The following MICAL3 variants were observed in gnomAD, a reference collection of about 807,000 sequenced individuals.
MICAL3 encodes the protein microtubule associated monooxygenase, calponin and LIM domain containing 3, also known as [F-actin]-monooxygenase MICAL3.
In MICAL3, 62 loss-of-function variants were observed where a neutral mutation model predicts 207.4. That is an observed-to-expected ratio of 0.30 (90% CI 0.24 to 0.37). The LOEUF (loss-of-function observed/expected upper bound fraction) is 0.37. Ranked by LOEUF, MICAL3 falls within the 10% of genes least tolerant of loss-of-function variation. MICAL3 has a pLI of 1.00. For missense variants in MICAL3, 2,368 were observed against 2,635.6 expected, an observed-to-expected ratio of 0.90 and a Z score of 2.22; for synonymous variants, 1,077 against 1,069.3, an observed-to-expected ratio of 1.01 and a Z score of -0.14.
intron 1 of MICAL3, among the ~76,000 whole-genome samples, chr22:17,992,118 T>C (rs1036820390): frequency 6.6e-6 from 1 of 152,200 alleles, no homozygotes; most frequent in Non-Finnish European, 1.5e-5. Context: ...GGGGCACCTA[T>C]ATCTCTCGAT....
chr22:17,968,017 G>A (rs1291326932), intron 1 of MICAL3, among the ~76,000 whole-genome samples: 1 of 151,496 alleles, frequency 6.6e-6, no homozygotes, highest in Admixed American at 6.6e-5. Context: ...ACTTCAGCCT[G>A]GATGACAGAG....
intron 17 of MICAL3, among the ~76,000 whole-genome samples, chr22:17,868,601 T>C (rs1162962455): frequency 2.0e-5 from 3 of 152,204 alleles, no homozygotes; most frequent in Non-Finnish European, 2.9e-5. Flanking sequence ...CCAGCCTTGC[T>C]ATGTTTTTAA....
chr22:17,799,287 CAGG>C (rs1320936574), intron 29 of MICAL3, among the ~76,000 whole-genome samples: 10 of 152,146 alleles, frequency 6.6e-5, no homozygotes, highest in African/African-American at 2.2e-4. Context: ...GAGGCTGAGG[CAGG>C]AGAATTGCTT....
chr22:17,937,909 A>AT (rs1933615978), intron 1 of MICAL3, among the ~76,000 whole-genome samples: 1 of 152,198 alleles, frequency 6.6e-6, no homozygotes, highest in Non-Finnish European at 1.5e-5. Flanking sequence ...GAGTGCACAT[A>AT]TTCTCTTCAC....
intron 1 of MICAL3, among the ~76,000 whole-genome samples, chr22:17,920,672 A>G (rs988226025): frequency 6.6e-6 from 1 of 152,140 alleles, no homozygotes; most frequent in African/African-American, 2.4e-5. Flanking sequence ...CCAGAGATCC[A>G]AAGCTACTAA....
rs1922763745 is a variant in MICAL3, at chr22:18,000,086, G to C, written c.-75+24195C>G. On this transcript the variant is annotated intron_variant, in intron 1 of 31. Coordinates refer to ENST00000441493, the MANE Select transcript of MICAL3 (RefSeq NM_015241.3). ...TTTCCCGCAGGCGGCAGCGACTGTA[G>C]GAAGATGTCTTTCTCAGCTTAAAAC... Among the ~76,000 whole-genome samples, 3 of 152,304 alleles carry C rather than the reference G, an allele frequency of 2.0e-5. 1 individual carries two copies. The South Asian group carries it at 6.2e-4, about 32-fold the overall frequency.
chr22:18,012,911 G>A (rs1174004192), intron 1 of MICAL3, among the ~76,000 whole-genome samples: 1 of 152,196 alleles, frequency 6.6e-6, no homozygotes, highest in Non-Finnish European at 1.5e-5. Context: ...CCAGCATTCA[G>A]ACCCCCTTGC....
At chr22:17,844,600 G>A (rs1287819110) in intron 19 of MICAL3, among the ~76,000 whole-genome samples, 5 of 152,186 alleles carry the variant, frequency 3.3e-5, no homozygotes, top group South Asian at 2.1e-4. Flanking sequence ...ATCCAGTGGC[G>A]TATTCACATA....
At chr22:17,928,375 C>G (rs1234222066) in intron 1 of MICAL3, among the ~76,000 whole-genome samples, 1 of 151,612 alleles carries the variant, frequency 6.6e-6, no homozygotes, top group Non-Finnish European at 1.5e-5. Flanking sequence ...GGAGGCGGAG[C>G]TTGCAGTGAG....
intron 15 of MICAL3, 61 bp from the exon 16 acceptor site, chr22:17,886,112 C>T: frequency 6.3e-7 from 1 of 1,581,528 alleles, no homozygotes; most frequent in Non-Finnish European, 8.6e-7. Flanking sequence ...CCATGCCCCT[C>T]CCTCACAGAA....
chr22:17,906,920 T>C (rs1196276797), intron 1 of MICAL3, 34 bp from the exon 2 acceptor site: 1 of 1,121,502 alleles, frequency 8.9e-7, no homozygotes, highest in Non-Finnish European at 1.3e-6. Context: ...GGTTAGCATT[T>C]CTCTGTCTAC....
rs142688877 is a variant in MICAL3, at chr22:17,976,151, T to C, written c.-75+48130A>G. Among the ~76,000 whole-genome samples, 880 of 152,330 alleles carry C rather than the reference T, an allele frequency of 5.8e-3. 12 individuals are homozygous for C. Among genetic ancestry groups the C allele is most frequent in the Middle Eastern group, 0.02 (6 of 294 alleles). On this transcript the variant is annotated intron_variant, in intron 1 of 31. Coordinates refer to ENST00000441493, the MANE Select transcript of MICAL3 (RefSeq NM_015241.3). ...TGTTTTATTTCTTTCTAATCTTATC[T>C]GAACAATATAGGCAGAGATGGACTG...
chr22:17,897,034 A>G, intron 7 of MICAL3, 53 bp from the exon 8 acceptor site: 1 of 1,553,422 alleles, frequency 6.4e-7, no homozygotes, highest in Non-Finnish European at 8.7e-7. Context: ...GCACTCAGCC[A>G]GAACCATGTT....
intron 1 of MICAL3, among the ~76,000 whole-genome samples, chr22:18,011,798 A>C (rs907439976): frequency 6.6e-6 from 1 of 150,436 alleles, no homozygotes; most frequent in Non-Finnish European, 1.5e-5. Context: ...AGGCTGAGGC[A>C]GGAGAATGGC....
intron 19 of MICAL3, among the ~76,000 whole-genome samples, chr22:17,843,154 C>A (rs1479864976): frequency 1.3e-5 from 2 of 150,096 alleles, no homozygotes; most frequent in Non-Finnish European, 3.0e-5. Flanking sequence ...TCCCATCACT[C>A]CTCCTCCACT....
chr22:17,817,618 G>C lies in MICAL3; in HGVS notation c.5043C>G (p.Gly1681=). ...CGGATGAAGTGAAAGAGCCATCTGG[G>C]CCCCCTGAGTCCGACGGCGGGGAGA... is the stretch of plus-strand genomic sequence containing the variant. The part of the protein sequence containing the change: ...EVLSPPSDSG[G]PDGSFTSSEG... The change falls in exon 26 of 32, where the codon GGC becomes GGG. Residue 1681 remains glycine, a synonymous_variant. Transcript: ENST00000441493. 6.2e-7 allele frequency: 1 copy of C among 1,613,172 alleles called. No homozygotes were observed. Among genetic ancestry groups the C allele is most frequent in the Non-Finnish European group, 8.5e-7 (1 of 1,179,840 alleles).
chr22:17,877,637 A>T (rs1039839262), intron 16 of MICAL3, among the ~76,000 whole-genome samples: 1 of 151,606 alleles, frequency 6.6e-6, no homozygotes, highest in Non-Finnish European at 1.5e-5. Context: ...AAAAGAACTT[A>T]AGTAGTGTCC....
intron 2 of MICAL3, 26 bp downstream of exon 2, chr22:17,906,523 C>A (rs1569128026): frequency 1.2e-6 from 2 of 1,612,434 alleles, no homozygotes; most frequent in Non-Finnish European, 1.7e-6. Context: ...TCAGTGACCC[C>A]AGGGCCCAAC....
At position 17,818,122 on chromosome 22, in the gene MICAL3, A is replaced by G. The variant is rs1174744228; in HGVS notation, c.4539T>C (p.Phe1513=). 6 of 1,611,178 alleles carry G rather than the reference A, an allele frequency of 3.7e-6. No homozygotes were observed. The African/African-American group carries it at 8.0e-5, about 22-fold the overall frequency. ...QPPREEVRKS[F]VESVEEIPFA... ...AGGGAATCTCCTCCACGCTCTCCAC[A>G]AACGACTTCCGCACCTCCTCTCTGG... is the stretch of plus-strand genomic sequence containing the variant. Residue 1513 remains phenylalanine, a synonymous_variant, in exon 26 of 32, where the codon TTT becomes TTC. Transcript: ENST00000441493.
Sources: gnomAD v4.1 joint callset for allele counts (sites outside exome capture counted in the v4.1 genomes callset) on GRCh38, gnomAD v4.1.1 for gene constraint, MANE v1.5 for transcripts, NCBI Gene and HGNC (gene_info 2026-07-23, HGNC 2026-07-21) for gene names.